Variants in PTPRM observed in about 807,000 individuals in gnomAD.
PTPRM encodes the protein receptor-type tyrosine-protein phosphatase mu.
Under a neutral mutation model 186.7 loss-of-function variants are expected in PTPRM, and 47 were observed. That is an observed-to-expected ratio of 0.25 (90% CI 0.20 to 0.32). The LOEUF (loss-of-function observed/expected upper bound fraction) is 0.32. Among genes scored for constraint, PTPRM ranks in the 10% least tolerant of loss-of-function variants. The pLI is 1.00. For synonymous variants in PTPRM, 668 were observed against 674.9 expected, an observed-to-expected ratio of 0.99 and a Z score of 0.16; for missense variants, 1,494 against 1,865.0, an observed-to-expected ratio of 0.80 and a Z score of 3.66.
In PTPRM at chr18:8,014,798, T is replaced by G. The variant is rs932780461; in HGVS notation, c.1133-54888T>G. Among the ~76,000 whole-genome samples the G allele has an allele frequency of 1.6e-4, 25 of 152,144 alleles. 1 individual carries two copies. The highest frequency in any genetic ancestry group is 6.0e-4 in the African/African-American group (25 of 41,440). Reference sequence around the variant, plus strand: ...AATGTCCATATTTAGTGCCAAAAATTGTGATGAAAAACCAGTGGGATTATC... The same window carrying G: ...AATGTCCATATTTAGTGCCAAAAATGGTGATGAAAAACCAGTGGGATTATC... On this transcript the variant is annotated intron_variant, in intron 7 of 32. Coordinates refer to ENST00000580170, the MANE Select transcript of PTPRM (RefSeq NM_001105244.2).
intron 1 of PTPRM, among the ~76,000 whole-genome samples, chr18:7,686,363 G>T (rs959225460): frequency 6.6e-6 from 1 of 152,128 alleles, no homozygotes; most frequent in African/African-American, 2.4e-5. Context: ...AAAATGCATT[G>T]AGTGGTAATT....
intron 14 of PTPRM, among the ~76,000 whole-genome samples, chr18:8,147,062 A>G (rs1259467464): frequency 1.3e-5 from 2 of 152,264 alleles, no homozygotes; most frequent in East Asian, 3.9e-4. Flanking sequence ...GCCTTGTAGT[A>G]TAGTTTGAAG....
chr18:7,686,917 T>C (rs2039616043), intron 1 of PTPRM, among the ~76,000 whole-genome samples: 1 of 152,178 alleles, frequency 6.6e-6, no homozygotes, highest in Non-Finnish European at 1.5e-5. Context: ...CCAAAGTTAA[T>C]GACATCAGAG....
chr18:8,105,010 G>T (rs984355097), intron 11 of PTPRM, among the ~76,000 whole-genome samples: 1 of 152,058 alleles, frequency 6.6e-6, no homozygotes, highest in East Asian at 1.9e-4. Flanking sequence ...TAAACCTTCA[G>T]GGCTAAATGC....
At chr18:7,816,879 C>T (rs572515565) in intron 2 of PTPRM, among the ~76,000 whole-genome samples, 44 of 151,790 alleles carry the variant, frequency 2.9e-4, no homozygotes, top group Non-Finnish European at 5.4e-4. Context: ...ATACTCAGGG[C>T]GGATAAATAA....
intron 17 of PTPRM, 135 bp downstream of exon 17, chr18:8,248,311 T>C (rs1188104464): frequency 4.6e-6 from 4 of 873,608 alleles, no homozygotes; most frequent in African/African-American, 3.3e-5. Flanking sequence ...GTGGGTGGCC[T>C]GGGTCATGGG....
intron 13 of PTPRM, among the ~76,000 whole-genome samples, chr18:8,118,806 A>AT (rs2092056478): frequency 3.6e-5 from 5 of 138,546 alleles, no homozygotes; most frequent in African/African-American, 1.4e-4. Flanking sequence ...TCTCAAAAAA[A>AT]AAAAAATATA....
intron 2 of PTPRM, among the ~76,000 whole-genome samples, chr18:7,886,393 A>T (rs914917733): frequency 1.3e-5 from 2 of 152,190 alleles, no homozygotes; most frequent in East Asian, 3.8e-4. Context: ...TGACAGTTAA[A>T]GTTCTTCCTT....
At chr18:8,380,092 A>T (rs537253454) in intron 28 of PTPRM, among the ~76,000 whole-genome samples, 1 of 152,368 alleles carries the variant, frequency 6.6e-6, no homozygotes, top group South Asian at 2.1e-4. Context: ...TTTTCTTGGT[A>T]TCAAAGTAAG....
At chr18:7,964,764 G>T (rs1045054023) in intron 7 of PTPRM, among the ~76,000 whole-genome samples, 1 of 152,154 alleles carries the variant, frequency 6.6e-6, no homozygotes, top group African/African-American at 2.4e-5. Context: ...CTTCAAGGTA[G>T]TGCCAAGAAA....
At chr18:7,909,698 T>C (rs181704946) in intron 4 of PTPRM, among the ~76,000 whole-genome samples, 126 of 131,254 alleles carry the variant, frequency 9.6e-4, no homozygotes, top group African/African-American at 3.4e-3. Context: ...AATTGCTGAA[T>C]CTCATTTGCT....
At chr18:8,083,804 C>T (rs965178178) in intron 9 of PTPRM, among the ~76,000 whole-genome samples, 3 of 152,086 alleles carry the variant, frequency 2.0e-5, no homozygotes, top group South Asian at 2.1e-4. Context: ...TGAAAGCTTA[C>T]GAGCAAAAGC....
At chr18:8,248,107 C>G (rs769617083) in intron 16 of PTPRM, 43 bp from the exon 17 acceptor site, 6 of 1,516,834 alleles carry the variant, frequency 4.0e-6, no homozygotes, top group Non-Finnish European at 5.5e-6. Flanking sequence ...TGTTCTTTCT[C>G]TTTTTACTTT....
intron 14 of PTPRM, among the ~76,000 whole-genome samples, chr18:8,207,425 G>A (rs923244303): frequency 6.6e-6 from 1 of 152,130 alleles, no homozygotes; most frequent in Non-Finnish European, 1.5e-5. Flanking sequence ...ATATGACAGT[G>A]AAATATTTGG....
chr18:8,046,764 A>T (rs1024887007), intron 7 of PTPRM, among the ~76,000 whole-genome samples: 2 of 152,130 alleles, frequency 1.3e-5, no homozygotes, highest in Non-Finnish European at 2.9e-5. Flanking sequence ...GTGTGGTCAG[A>T]TTGACTTTGT....
At chr18:7,937,249 T>C (rs1035545236) in intron 5 of PTPRM, among the ~76,000 whole-genome samples, 7 of 152,176 alleles carry the variant, frequency 4.6e-5, no homozygotes. Flanking sequence ...CCTACAGCCC[T>C]TCAGGGAGCC....
intron 2 of PTPRM, among the ~76,000 whole-genome samples, chr18:7,821,216 A>G (rs2045175478): frequency 6.6e-6 from 1 of 152,132 alleles, no homozygotes; most frequent in South Asian, 2.1e-4. Flanking sequence ...GACACTCTCC[A>G]TAGTCTGGGT....
At chr18:7,904,514 G>A (rs534477251) in intron 3 of PTPRM, among the ~76,000 whole-genome samples, 1 of 152,250 alleles carries the variant, frequency 6.6e-6, no homozygotes, top group Non-Finnish European at 1.5e-5. Context: ...TGGAATCATA[G>A]AGTACATGAT....
intron 20 of PTPRM, among the ~76,000 whole-genome samples, chr18:8,311,864 C>G (rs905363048): frequency 1.3e-5 from 2 of 151,948 alleles, no homozygotes; most frequent in Non-Finnish European, 2.9e-5. Flanking sequence ...TAAAGAGAAC[C>G]CTCCAGAATA....
Sources: allele counts gnomAD v4.1 joint callset (sites outside exome capture counted in the v4.1 genomes callset), GRCh38; gene constraint gnomAD v4.1.1; transcripts MANE v1.5; gene names NCBI Gene and HGNC (gene_info 2026-07-23, HGNC 2026-07-21).